KIF13A: variants seen among roughly 807,000 people sequenced by gnomAD.
KIF13A encodes kinesin-like protein KIF13A.
In KIF13A, 79 loss-of-function variants were observed where a neutral mutation model predicts 212.2. The observed-to-expected ratio is 0.37, with a 90% CI of 0.31 to 0.45. KIF13A has a LOEUF of 0.45. Ranked by LOEUF, KIF13A falls within the 20% of genes least tolerant of loss-of-function variation. The pLI is 1.00. For synonymous variants in KIF13A, 789 were observed against 808.6 expected, an observed-to-expected ratio of 0.98 and a Z score of 0.41; for missense variants, 1,901 against 2,209.0, an observed-to-expected ratio of 0.86 and a Z score of 2.79.
At chr6:17,878,242 A>T (rs1770747129) in intron 3 of KIF13A, among the ~76,000 whole-genome samples, 1 of 152,250 alleles carries the variant, frequency 6.6e-6, no homozygotes, top group Non-Finnish European at 1.5e-5. Flanking sequence ...GAAAAGCATG[A>T]CAGCCAGATG....
Position 17,764,859 on chromosome 6 carries a change from A to T in KIF13A, c.4669T>A (p.Phe1557Ile). 1 of 1,613,898 alleles carries T rather than the reference A, an allele frequency of 6.2e-7. No homozygotes were observed. The highest frequency in any genetic ancestry group is 8.5e-7 in the Non-Finnish European group (1 of 1,179,842). ...QPYVPVEFAD[F>I]SVYNASLENR... Reference sequence around the variant, plus strand: ...TCCAAGCTGGCATTGTAAACACTGAAGTCAGCAAACTCCACAGGTACATAA... The same window carrying T: ...TCCAAGCTGGCATTGTAAACACTGATGTCAGCAAACTCCACAGGTACATAA... Residue 1557 changes from phenylalanine (F) to isoleucine (I), a missense_variant, in exon 39 of 39, where the codon TTC (phenylalanine) becomes ATC (isoleucine). Physicochemically the swap from Phe to Ile is conservative, Grantham distance 21. Transcript: ENST00000259711. This position sits in a 1 kb window ranked among gnomAD's most constrained non-coding sequence, Gnocchi z 5.1.
intron 2 of KIF13A, among the ~76,000 whole-genome samples, chr6:17,956,270 G>T (rs913075525): frequency 1.3e-5 from 2 of 152,180 alleles, no homozygotes; most frequent in Non-Finnish European, 2.9e-5. Context: ...TCTGGCTCCA[G>T]AGTCTGTGCC....
At position 17,912,007 on chromosome 6, in the gene KIF13A, C is replaced by A. The variant is rs1581710429; in HGVS notation, c.147-13827G>T. Among the ~76,000 whole-genome samples the A allele has an allele frequency of 6.6e-6, 1 of 152,060 alleles. No individual in the cohort carries two copies. The highest frequency in any genetic ancestry group is 2.1e-4 in the South Asian group (1 of 4,816). ...TTGAACTCCTGAGCTCAGGCGATTA[C>A]CCCGTCTTGGGCTCCCAAAGTGCTG... On this transcript the variant is annotated intron_variant, in intron 2 of 38. Coordinates refer to ENST00000259711, the MANE Select transcript of KIF13A (RefSeq NM_022113.6). This position sits in a 1 kb window ranked among gnomAD's most constrained non-coding sequence, Gnocchi z 4.2.
intron 38 of KIF13A, chr6:17,770,361 A>ATTTTTTTTTTTTTTTTTTTTTTTT (rs200616640): frequency 5.0e-5 from 6 of 119,446 alleles, no homozygotes; most frequent in Non-Finnish European, 3.5e-5. Flanking sequence ...AATAAACAGG[A>ATTTTTTTTTTTTTTTTTTTTTTTT]TTTTTTTTTT....
chr6:17,926,114 C>T lies in KIF13A; in HGVS notation c.147-27934G>A, dbSNP rs1466332049. Among the ~76,000 whole-genome samples, 2 of 152,122 alleles carry T rather than the reference C, an allele frequency of 1.3e-5. No individual in the cohort carries two copies. Among genetic ancestry groups the T allele is most frequent in the Non-Finnish European group, 2.9e-5 (2 of 68,022 alleles). ...CATATAATTAAAGTAGTCATCATGTCCACGGTCCTACTAATTCTGAAAAGA... is the reference window on the plus strand; with the variant it reads ...CATATAATTAAAGTAGTCATCATGTTCACGGTCCTACTAATTCTGAAAAGA... On this transcript the variant is annotated intron_variant, in intron 2 of 38. Coordinates refer to ENST00000259711, the MANE Select transcript of KIF13A (RefSeq NM_022113.6). The surrounding 1 kb of genome is among the most constrained non-coding windows in gnomAD (Gnocchi z 4.3).
Position 17,785,242 on chromosome 6 carries a change from A to G in KIF13A, c.3488+273T>C, listed in dbSNP as rs1760946776. ...ATAAAAGAGTTTCTGGGCATCAGGGAACAATGTCCAAGTTGCTTATGCAGA... is the reference window on the plus strand; with the variant it reads ...ATAAAAGAGTTTCTGGGCATCAGGGGACAATGTCCAAGTTGCTTATGCAGA... On this transcript the variant is annotated intron_variant, in intron 28 of 38. Transcript: ENST00000259711. This position sits in a 1 kb window ranked among gnomAD's most constrained non-coding sequence, Gnocchi z 5.8. Among the ~76,000 whole-genome samples, 1 of 152,200 alleles carries G rather than the reference A, an allele frequency of 6.6e-6. No homozygotes were observed.
At chr6:17,909,325 C>T (rs1388786173) in intron 2 of KIF13A, among the ~76,000 whole-genome samples, 1 of 152,002 alleles carries the variant, frequency 6.6e-6, no homozygotes, top group Non-Finnish European at 1.5e-5. Context: ...CAACTGAGGT[C>T]AGGAGTTTGA....
rs1205536582 is a variant in KIF13A at position 17,963,505 on chromosome 6, C to T, written c.146+23549G>A. The stretch of plus-strand genomic sequence containing the variant: ...CTTACAATATGAAGAAATATATTAC[C>T]GATGACCACAAAAGGGCCCCAAGAG... On this transcript the variant is annotated intron_variant, in intron 2 of 38. Transcript: ENST00000259711. The surrounding 1 kb of genome is among the most constrained non-coding windows in gnomAD (Gnocchi z 4.1). 1.3e-5 allele frequency among the ~76,000 whole-genome samples: 2 copies of T among 152,076 alleles called. No homozygotes were observed. Among genetic ancestry groups the T allele is most frequent in the Admixed American group, 6.5e-5 (1 of 15,268 alleles).
chr6:17,905,485 A>G (rs553901413), intron 2 of KIF13A, among the ~76,000 whole-genome samples: 71 of 152,364 alleles, frequency 4.7e-4, no homozygotes, highest in African/African-American at 1.7e-3. Context: ...AACATTTCAC[A>G]TGCACTGTCT....
chr6:17,960,254 A>C (rs1396521268), intron 2 of KIF13A, among the ~76,000 whole-genome samples: 1 of 152,200 alleles, frequency 6.6e-6, no homozygotes, highest in Non-Finnish European at 1.5e-5. Context: ...AAAAAAAGTA[A>C]ACATTCTTTG....
chr6:17,975,694 G>A (rs1267213770), intron 2 of KIF13A, among the ~76,000 whole-genome samples: 1 of 152,154 alleles, frequency 6.6e-6, no homozygotes, highest in East Asian at 1.9e-4. Context: ...GCTGATTGGT[G>A]CGTTTACAAT....
chr6:17,885,116 A>T (rs1771421786), intron 3 of KIF13A, among the ~76,000 whole-genome samples: 1 of 136,788 alleles, frequency 7.3e-6, no homozygotes, highest in Non-Finnish European at 1.7e-5. Flanking sequence ...GAAGATTCAT[A>T]AAAGAAAAAA....
intron 29 of KIF13A, 52 bp from the exon 30 acceptor site, chr6:17,781,353 G>A: frequency 6.7e-7 from 1 of 1,496,656 alleles, no homozygotes; most frequent in Admixed American, 2.5e-5. Flanking sequence ...CAGTTTTTAA[G>A]CAAACACCAA....
chr6:17,857,162 T>C (rs983123563), intron 4 of KIF13A, among the ~76,000 whole-genome samples: 9 of 152,250 alleles, frequency 5.9e-5, no homozygotes, highest in Admixed American at 1.3e-4. Flanking sequence ...GATCTGATTT[T>C]AGGAGTCTCT....
chr6:17,832,137 C>G (rs1201692472), intron 12 of KIF13A, among the ~76,000 whole-genome samples: 1 of 152,138 alleles, frequency 6.6e-6, no homozygotes, highest in Non-Finnish European at 1.5e-5. Flanking sequence ...GTTCCAGTGA[C>G]TGCTGTTAAG....
rs1301421797 is a variant in KIF13A at position 17,899,676 on chromosome 6, C to T, written c.147-1496G>A. Among the ~76,000 whole-genome samples the T allele has an allele frequency of 6.6e-6, 1 of 152,140 alleles. No individual in the cohort carries two copies. Among genetic ancestry groups the T allele is most frequent in the African/African-American group, 2.4e-5 (1 of 41,418 alleles). ...GAGCCCTTATTGCCTTATGTCATTC[C>T]CTCAGACAGACACAATGGGAATGTG... is the stretch of plus-strand genomic sequence containing the variant. On this transcript the variant is annotated intron_variant, in intron 2 of 38. Coordinates refer to ENST00000259711, the MANE Select transcript of KIF13A (RefSeq NM_022113.6). The surrounding 1 kb of genome is among the most constrained non-coding windows in gnomAD (Gnocchi z 5.2).
rs556013847 is a variant in KIF13A at position 17,779,888 on chromosome 6, C to G, written c.3847-204G>C. ...CCCGAGTAGCTGGGACTACAGGCGC[C>G]TGCCACCTCACCTGGCTAACTTTTT... On this transcript the variant is annotated intron_variant, in intron 31 of 38. Transcript: ENST00000259711. 8.6e-4 allele frequency among the ~76,000 whole-genome samples: 130 copies of G among 151,844 alleles called. 1 individual carries two copies. The highest frequency in any genetic ancestry group is 1.6e-3 in the Non-Finnish European group (111 of 67,932).
chr6:17,915,979 T>C lies in KIF13A; in HGVS notation c.147-17799A>G, dbSNP rs546476328. On this transcript the variant is annotated intron_variant, in intron 2 of 38. Transcript: ENST00000259711. This position sits in a 1 kb window ranked among gnomAD's most constrained non-coding sequence, Gnocchi z 4.4. ...TAAAAATAAAATAAAATAAAATAAA[T>C]TACAGTTCAAATGAATCCCATGTCT... is the stretch of plus-strand genomic sequence containing the variant. Among the ~76,000 whole-genome samples the C allele has an allele frequency of 2.0e-5, 3 of 150,642 alleles. No individual in the cohort carries two copies. The highest frequency in any genetic ancestry group is 4.4e-5 in the Non-Finnish European group (3 of 67,762).
At chr6:17,800,540 G>A (rs111247475) in intron 20 of KIF13A, among the ~76,000 whole-genome samples, 6,297 of 151,282 alleles carry the variant, frequency 0.042, 328 homozygotes, top group African/African-American at 0.12. Context: ...GAGTTCAAGC[G>A]ATTCTCCTGC....
Sources: gnomAD v4.1 joint callset for allele counts (sites outside exome capture counted in the v4.1 genomes callset) on GRCh38, gnomAD v4.1.1 for gene constraint, Gnocchi (gnomAD v3.1) non-coding constraint, MANE v1.5 for transcripts, NCBI Gene and HGNC (gene_info 2026-07-23, HGNC 2026-07-21) for gene names.